Variants in ATP7A observed in about 807,000 individuals in gnomAD.
ATP7A encodes ATPase copper transporting alpha, also known as copper-transporting ATPase 1.
ATP7A carries 7 observed loss-of-function variants against 83.5 expected under a neutral mutation model. That is an observed-to-expected ratio of 0.08 (90% CI 0.05 to 0.16). ATP7A has a LOEUF of 0.16. Among genes scored for constraint, ATP7A ranks in the 10% least tolerant of loss-of-function variants. The pLI is 1.00. For synonymous variants in ATP7A, 354 were observed against 395.2 expected, an observed-to-expected ratio of 0.90 and a Z score of 1.24; for missense variants, 940 against 1,120.8, an observed-to-expected ratio of 0.84 and a Z score of 2.30.
intron 15 of ATP7A, among the ~76,000 whole-genome samples, chrX:78,030,644 CT>C (rs1452395532): frequency 2.7e-5 from 3 of 109,684 alleles, no homozygotes; most frequent in South Asian, 7.8e-4. Context: ...TATTTTTCCC[CT>C]GTCCAGAATC....
Position 78,020,990 on chromosome X carries a change from C to A in ATP7A, c.2827C>A (p.Pro943Thr). 1.7e-6 allele frequency: 2 copies of A among 1,206,606 alleles called. No homozygotes were observed. Among genetic ancestry groups the A allele is most frequent in the South Asian group, 3.5e-5 (2 of 56,837 alleles). Residue 943 changes from proline to threonine, a missense_variant, in exon 14 of 23, where the codon CCT becomes ACT. By Grantham distance (38) the Pro-to-Thr change is conservative. This residue lies in a region of ATP7A where 386 missense variants were observed against 502.2 expected (regional missense o/e 0.77). Coordinates refer to ENST00000341514, the MANE Select transcript of ATP7A (RefSeq NM_000052.7). The stretch of plus-strand genomic sequence containing the variant: ...AGACAAACTCAGTGGCTATTTTGTT[C>A]CTTTTATTGTTTTTGTTTCCATTGC... ...FADKLSGYFVPFIVFVSIATL... is the reference protein window; with the variant it reads ...FADKLSGYFVTFIVFVSIATL...
intron 4 of ATP7A, among the ~76,000 whole-genome samples, chrX:77,994,717 T>C (rs1339985014): frequency 9.0e-6 from 1 of 110,981 alleles, no homozygotes; most frequent in African/African-American, 3.3e-5. Context: ...TTTTTTTCTA[T>C]TTTTTGTAGA....
intron 3 of ATP7A, 82 bp downstream of exon 3, chrX:77,988,813 G>A (rs1386601110): frequency 8.9e-7 from 1 of 1,129,152 alleles, no homozygotes; most frequent in African/African-American, 1.8e-5. Flanking sequence ...TCTTAAGCAT[G>A]AGTTTTGAAT....
intron 12 of ATP7A, among the ~76,000 whole-genome samples, chrX:78,017,135 C>T (rs1316530553): frequency 1.8e-5 from 2 of 112,557 alleles, no homozygotes; most frequent in African/African-American, 6.5e-5. Flanking sequence ...CCCAAACCTC[C>T]GTTCTTGACT....
At chrX:78,026,262 A>G (rs2077942620) in intron 14 of ATP7A, among the ~76,000 whole-genome samples, 1 of 112,057 alleles carries the variant, frequency 8.9e-6, no homozygotes, top group Non-Finnish European at 1.9e-5. Flanking sequence ...CAAATGGAAA[A>G]CAAAGAGCAG....
chrX:78,024,437 C>G (rs782665079), intron 14 of ATP7A, among the ~76,000 whole-genome samples: 1 of 112,104 alleles, frequency 8.9e-6, no homozygotes, highest in South Asian at 3.7e-4. Context: ...CTGCCACACC[C>G]TTCCCCCACA....
At position 77,969,446 on chromosome X, in the gene ATP7A, G is replaced by A. The variant is rs782671104; in HGVS notation, c.-21-2175G>A. On this transcript the variant is annotated intron_variant, in intron 1 of 22. Coordinates refer to ENST00000341514, the MANE Select transcript of ATP7A (RefSeq NM_000052.7). ...GCATCTAGCACTGTCCAGAGGGTCC[G>A]GATCACTCTCTTCTGCACTGAGGTG... 9 of 1,210,357 alleles carry A rather than the reference G, an allele frequency of 7.4e-6. No homozygotes were observed. In the East Asian group the frequency reaches 2.1e-4, roughly 28 times the overall value.
intron 6 of ATP7A, among the ~76,000 whole-genome samples, 155 bp from the exon 7 acceptor site, chrX:78,008,947 C>T (rs782268382): frequency 2.9e-5 from 3 of 104,082 alleles, no homozygotes; most frequent in Non-Finnish European, 3.9e-5. Context: ...ACCTGGAAGG[C>T]GGAGGTTGCA....
At chrX:77,967,904 T>C (rs2077519086) in intron 1 of ATP7A, among the ~76,000 whole-genome samples, 1 of 111,884 alleles carries the variant, frequency 8.9e-6, no homozygotes, top group Admixed American at 9.5e-5. Flanking sequence ...CATTTTCTGC[T>C]TAAGTTTCTC....
intron 14 of ATP7A, among the ~76,000 whole-genome samples, chrX:78,026,543 G>A (rs2077944585): frequency 9.0e-6 from 1 of 111,631 alleles, no homozygotes; most frequent in Non-Finnish European, 1.9e-5. Flanking sequence ...ACAAAAATTA[G>A]CAAAGAAACT....
intron 4 of ATP7A, among the ~76,000 whole-genome samples, chrX:77,995,944 A>C: frequency 9.0e-6 from 1 of 111,083 alleles, no homozygotes; most frequent in Middle Eastern, 4.7e-3. Flanking sequence ...ACGGGGTTTC[A>C]CCATGTTGGC....
chrX:77,940,645 TAAAAA>T (rs2077346441), intron 1 of ATP7A, among the ~76,000 whole-genome samples: 1 of 110,837 alleles, frequency 9.0e-6, no homozygotes, highest in African/African-American at 3.3e-5. Context: ...ACAAGAAACT[TAAAAA>T]AGACTAACAA....
chrX:78,010,512 A>G (rs1452907968), intron 7 of ATP7A, among the ~76,000 whole-genome samples: 1 of 110,020 alleles, frequency 9.1e-6, no homozygotes, highest in African/African-American at 3.3e-5. Flanking sequence ...TTTCTGATAA[A>G]ACAAGACTAA....
chrX:77,930,524 C>A (rs1326520994), intron 1 of ATP7A, among the ~76,000 whole-genome samples: 1 of 111,426 alleles, frequency 9.0e-6, no homozygotes, highest in Admixed American at 9.5e-5. Context: ...GATAGGGTTC[C>A]GCAATGAAAA....
chrX:77,926,314 G>A (rs1477182896), intron 1 of ATP7A, among the ~76,000 whole-genome samples: 1 of 111,976 alleles, frequency 8.9e-6, no homozygotes, highest in Non-Finnish European at 1.9e-5. Flanking sequence ...AATGGTCAAT[G>A]TAAAAACAAA....
chrX:78,040,650 A>G lies in ATP7A; in HGVS notation c.3718A>G (p.Ile1240Val), dbSNP rs1557238259. ...AGTGAAGCCTGAAGCAGAACTGGCT[A>G]TCCATATTCTGAAATCTATGGGCTT... The part of the protein sequence containing the change: ...DTVKPEAELA[I>V]HILKSMGLEV... The change falls in exon 19 of 23, where the codon ATC (isoleucine) becomes GTC (valine). Residue 1240 changes from isoleucine (I) to valine (V), a missense_variant. Physicochemically the swap from Ile to Val is conservative, Grantham distance 29. Around this residue, in one of 3 missense-constraint regions of ATP7A, gnomAD observed 386 missense variants for 502.2 expected, o/e 0.77. Transcript: ENST00000341514. 8.3e-7 allele frequency: 1 copy of G among 1,210,804 alleles called. No individual in the cohort carries two copies.
At chrX:77,971,511 A>T (rs1025505831) in intron 1 of ATP7A, 110 bp from the exon 2 acceptor site, 1 of 761,457 alleles carries the variant, frequency 1.3e-6, no homozygotes. Context: ...TTTAAACATG[A>T]CACTTGAGCA....
intron 1 of ATP7A, chrX:77,969,190 A>G: frequency 8.3e-7 from 1 of 1,211,806 alleles, no homozygotes; most frequent in Non-Finnish European, 1.1e-6. Context: ...ATAGGAGGGT[A>G]GCTGATCTTC....
At chrX:77,966,702 C>A in intron 1 of ATP7A, 1 of 296,236 alleles carries the variant, frequency 3.4e-6, no homozygotes, top group Non-Finnish European at 6.6e-6. Context: ...TGTTTTGCAA[C>A]TACATAGTCA....
Sources: allele counts gnomAD v4.1 joint callset (sites outside exome capture counted in the v4.1 genomes callset), GRCh38; gene constraint gnomAD v4.1.1; regional missense constraint gnomAD v4.1.1; transcripts MANE v1.5; gene names NCBI Gene and HGNC (gene_info 2026-07-23, HGNC 2026-07-21).